CPLX1: variants seen among roughly 807,000 people sequenced by gnomAD.
The protein encoded by CPLX1 is complexin 1, also known as complexin-1.
CPLX1 carries 6 observed loss-of-function variants against 15.6 expected under a neutral mutation model. The ratio of observed to expected loss-of-function variants is 0.39; its 90% confidence interval spans 0.21 to 0.76. The LOEUF is 0.76. CPLX1 is among the 30% of genes least tolerant of loss of function. The probability of loss-of-function intolerance (pLI) is 0.43; values close to 1 mark genes in which losing one functional copy is unlikely to be tolerated. For synonymous variants in CPLX1, 91 were observed against 75.2 expected, an observed-to-expected ratio of 1.21 and a Z score of -1.08; for missense variants, 242 against 188.6, an observed-to-expected ratio of 1.28 and a Z score of -1.66.
intron 2 of CPLX1, among the ~76,000 whole-genome samples, chr4:823,608 G>C (rs982081659): frequency 1.3e-5 from 2 of 152,246 alleles, no homozygotes; most frequent in African/African-American, 4.8e-5. Context: ...CTGGGCACTG[G>C]TGCTGGGGGA....
intron 2 of CPLX1, among the ~76,000 whole-genome samples, chr4:812,938 C>T (rs78425833): frequency 2.0e-5 from 3 of 152,136 alleles, no homozygotes; most frequent in East Asian, 1.9e-4. Context: ...TGCTTATTGA[C>T]GTGCCTTTCC....
In CPLX1 at chr4:786,693, G is replaced by A. The variant is rs1156576098; in HGVS notation, c.213C>T (p.Gly71=). Residue 71 remains glycine, a synonymous_variant, in exon 4 of 4, where the codon GGC becomes GGT. Transcript: ENST00000304062. ...CCTCGCGCTCCTCCTTCTTCTTGAT[G>A]CCGTACTGCGGGGGAGGCGGGGGTC... ...AVRQGIRDKY[G]IKKKEEREAE... is the part of the protein sequence containing the mutation. The A allele has an allele frequency of 7.5e-6, 12 of 1,603,062 alleles. No homozygotes were observed. Among genetic ancestry groups the A allele is most frequent in the Non-Finnish European group, 1.0e-5 (12 of 1,174,212 alleles).
chr4:809,226 C>T (rs914802439), intron 2 of CPLX1, among the ~76,000 whole-genome samples: 5 of 152,344 alleles, frequency 3.3e-5, no homozygotes, highest in South Asian at 4.1e-4. Flanking sequence ...GGGTGGCTCT[C>T]GCCACCCCAC....
chr4:793,134 TCTC>T (rs375163312), intron 2 of CPLX1, among the ~76,000 whole-genome samples: 69 of 152,298 alleles, frequency 4.5e-4, no homozygotes, highest in Middle Eastern at 3.4e-3. Flanking sequence ...TGAAGCGTCT[TCTC>T]TGGTCATGTG....
chr4:815,382 G>T (rs1746732684), intron 2 of CPLX1, among the ~76,000 whole-genome samples: 1 of 132,836 alleles, frequency 7.5e-6, no homozygotes, highest in African/African-American at 2.9e-5. Flanking sequence ...CCGCACTCCA[G>T]CCTGGGTGAC....
intron 2 of CPLX1, among the ~76,000 whole-genome samples, chr4:803,396 TCC>T (rs1746494852): frequency 6.7e-6 from 1 of 148,330 alleles, no homozygotes; most frequent in Admixed American, 6.7e-5. Flanking sequence ...GCCTTTTCTT[TCC>T]TTTTTTTTTT....
chr4:823,647 T>C (rs989231890), intron 2 of CPLX1, among the ~76,000 whole-genome samples: 1 of 152,200 alleles, frequency 6.6e-6, no homozygotes, highest in Non-Finnish European at 1.5e-5. Context: ...TGGGCAAAAC[T>C]GAGACTCGCC....
At chr4:800,129 G>A (rs1746422315) in intron 2 of CPLX1, among the ~76,000 whole-genome samples, 2 of 152,128 alleles carry the variant, frequency 1.3e-5, no homozygotes, top group Admixed American at 6.6e-5. Context: ...ACACCCTGCT[G>A]TTGTCCACTG....
intron 2 of CPLX1, 59 bp from the exon 3 acceptor site, chr4:792,667 G>A: frequency 6.5e-7 from 1 of 1,537,832 alleles, no homozygotes; most frequent in South Asian, 1.2e-5. Context: ...CCGGGCTAGT[G>A]TCTCAGCCAC....
At chr4:790,707 C>G (rs1441892662) in intron 3 of CPLX1, among the ~76,000 whole-genome samples, 1 of 152,116 alleles carries the variant, frequency 6.6e-6, no homozygotes, top group African/African-American at 2.4e-5. Flanking sequence ...CCTGGATACA[C>G]GGACCCACAC....
intron 2 of CPLX1, among the ~76,000 whole-genome samples, chr4:822,313 G>C (rs1008532388): frequency 1.2e-4 from 18 of 148,588 alleles, no homozygotes; most frequent in African/African-American, 4.5e-4. Flanking sequence ...GTATCCCTCT[G>C]TCTCTCCCTC....
chr4:822,233 T>C (rs1340197329), intron 2 of CPLX1, among the ~76,000 whole-genome samples: 2 of 151,672 alleles, frequency 1.3e-5, no homozygotes, highest in African/African-American at 2.4e-5. Flanking sequence ...TCTCTGTCTC[T>C]CTCTCTCCTT....
chr4:807,744 A>G (rs886349145), intron 2 of CPLX1, among the ~76,000 whole-genome samples: 19 of 152,272 alleles, frequency 1.2e-4, no homozygotes, highest in African/African-American at 4.6e-4. Flanking sequence ...TCGGCCTCCC[A>G]AAGTACTGAA....
intron 3 of CPLX1, 49 bp from the exon 4 acceptor site, chr4:786,747 G>A (rs1384895801): frequency 7.2e-6 from 11 of 1,537,912 alleles, no homozygotes; most frequent in Non-Finnish European, 1.7e-6. Context: ...GCTCCCGGGC[G>A]GGCCGCAGCC....
At chr4:812,724 C>T (rs1473078038) in intron 2 of CPLX1, among the ~76,000 whole-genome samples, 3 of 151,514 alleles carry the variant, frequency 2.0e-5, no homozygotes, top group African/African-American at 7.3e-5. Flanking sequence ...CCAGCACGTT[C>T]CTAATGCTGG....
chr4:814,138 A>C (rs1746708246), intron 2 of CPLX1, among the ~76,000 whole-genome samples: 3 of 151,964 alleles, frequency 2.0e-5, no homozygotes, highest in Admixed American at 2.0e-4. Flanking sequence ...TGAAAGGACC[A>C]TACAGGTATC....
chr4:813,160 G>A (rs1312869121), intron 2 of CPLX1, among the ~76,000 whole-genome samples: 3 of 151,944 alleles, frequency 2.0e-5, no homozygotes, highest in African/African-American at 7.3e-5. Context: ...AGCTACTTGG[G>A]AGGGTGAGGC....
chr4:815,958 C>T (rs1235436946), intron 2 of CPLX1, among the ~76,000 whole-genome samples: 1 of 152,186 alleles, frequency 6.6e-6, no homozygotes, highest in African/African-American at 2.4e-5. Flanking sequence ...CAAAAACTTC[C>T]CTGAACTATC....
At chr4:822,986 C>T (rs1185594474) in intron 2 of CPLX1, among the ~76,000 whole-genome samples, 27 of 152,288 alleles carry the variant, frequency 1.8e-4, no homozygotes, top group Non-Finnish European at 8.8e-5. Flanking sequence ...GACGCCTGCC[C>T]GGTTGCTGCT....
Sources: gnomAD v4.1 joint callset for allele counts (sites outside exome capture counted in the v4.1 genomes callset) on GRCh38, gnomAD v4.1.1 for gene constraint, MANE v1.5 for transcripts, NCBI Gene and HGNC (gene_info 2026-07-23, HGNC 2026-07-21) for gene names.